The following SPMIP2 variants were observed in gnomAD, a reference collection of about 807,000 sequenced individuals.
SPMIP2 encodes sperm microtubule inner protein 2.
the SPMIP2 span, among the ~76,000 whole-genome samples, chr4:159,081,368 C>A: frequency 6.6e-6 from 1 of 151,758 alleles, no homozygotes; most frequent in South Asian, 2.1e-4. Flanking sequence ...ATATTGTGAG[C>A]AATACTCATG....
the SPMIP2 span, among the ~76,000 whole-genome samples, chr4:158,927,354 A>G: frequency 6.6e-5 from 10 of 152,252 alleles, no homozygotes; most frequent in Non-Finnish European, 1.2e-4. Flanking sequence ...CTTTCACTTT[A>G]TGTGTCTTTG....
At chr4:158,911,703 C>T in the SPMIP2 span, among the ~76,000 whole-genome samples, 1 of 152,168 alleles carries the variant, frequency 6.6e-6, no homozygotes, top group African/African-American at 2.4e-5. Context: ...ATCTCAAACC[C>T]CATTTCAGAC....
chr4:158,943,422 T>C, the SPMIP2 span, among the ~76,000 whole-genome samples: 1 of 152,220 alleles, frequency 6.6e-6, no homozygotes, highest in African/African-American at 2.4e-5. Flanking sequence ...GGGCCTTCTT[T>C]GTTTCCTCAA....
At chr4:159,069,189 G>C in the SPMIP2 span, among the ~76,000 whole-genome samples, 2 of 152,056 alleles carry the variant, frequency 1.3e-5, no homozygotes, top group African/African-American at 4.8e-5. Flanking sequence ...TGTAGTCTCA[G>C]CTACTCGGGA....
the SPMIP2 span, among the ~76,000 whole-genome samples, chr4:159,019,747 T>C: frequency 6.6e-6 from 1 of 152,138 alleles, no homozygotes; most frequent in East Asian, 1.9e-4. Flanking sequence ...AACAAGGTTT[T>C]GCTGACCTGG....
the SPMIP2 span, among the ~76,000 whole-genome samples, chr4:158,982,434 C>T: frequency 6.6e-6 from 1 of 152,184 alleles, no homozygotes; most frequent in Non-Finnish European, 1.5e-5. Context: ...CTTCTCAGCA[C>T]CACATAGCAC....
the SPMIP2 span, among the ~76,000 whole-genome samples, chr4:159,066,650 C>CA: frequency 6.8e-6 from 1 of 147,240 alleles, no homozygotes; most frequent in South Asian, 2.1e-4. Flanking sequence ...ATATATATCT[C>CA]AACCCTTCTC....
At chr4:159,019,124 A>C in the SPMIP2 span, among the ~76,000 whole-genome samples, 2 of 152,008 alleles carry the variant, frequency 1.3e-5, no homozygotes, top group East Asian at 1.9e-4. Context: ...AGCCAAAAAG[A>C]GTGTTCTAGA....
the SPMIP2 span, among the ~76,000 whole-genome samples, chr4:159,043,415 C>T: frequency 6.6e-6 from 1 of 152,128 alleles, no homozygotes; most frequent in African/African-American, 2.4e-5. Context: ...GGCGCGATCT[C>T]GGCTCACTGC....
the SPMIP2 span, among the ~76,000 whole-genome samples, chr4:158,990,863 C>T: frequency 9.5e-6 from 1 of 104,718 alleles, no homozygotes; most frequent in Non-Finnish European, 2.2e-5. Flanking sequence ...TACTCCAGAA[C>T]TTAAAATATA....
chr4:158,919,956 T>TGG, the SPMIP2 span, among the ~76,000 whole-genome samples: 2 of 152,130 alleles, frequency 1.3e-5, no homozygotes, highest in Non-Finnish European at 2.9e-5. Flanking sequence ...TTGTTGGAGG[T>TGG]GGGGCCTGGT....
the SPMIP2 span, among the ~76,000 whole-genome samples, chr4:158,919,602 C>A: frequency 6.6e-6 from 1 of 152,182 alleles, no homozygotes; most frequent in Non-Finnish European, 1.5e-5. Flanking sequence ...CTCCTTTATA[C>A]CATCACATTT....
At chr4:159,029,920 T>G in the SPMIP2 span, among the ~76,000 whole-genome samples, 6 of 152,188 alleles carry the variant, frequency 3.9e-5, no homozygotes, top group Admixed American at 3.9e-4. Context: ...GGATAAAAAA[T>G]TAGCATCAAA....
the SPMIP2 span, among the ~76,000 whole-genome samples, chr4:158,920,980 C>T: frequency 4.6e-5 from 7 of 152,324 alleles, no homozygotes; most frequent in Admixed American, 6.5e-5. Flanking sequence ...TCACCCCTGG[C>T]GACCCAGCTG....
At chr4:159,067,807 G>A in the SPMIP2 span, among the ~76,000 whole-genome samples, 1 of 151,772 alleles carries the variant, frequency 6.6e-6, no homozygotes, top group East Asian at 1.9e-4. Flanking sequence ...TCAAACAAAT[G>A]TACAAGAAAA....
chr4:158,940,960 C>A, the SPMIP2 span, among the ~76,000 whole-genome samples: 38 of 152,262 alleles, frequency 2.5e-4, no homozygotes, highest in African/African-American at 8.4e-4. Context: ...CTAGGTTCAT[C>A]TTTTTCATTT....
the SPMIP2 span, among the ~76,000 whole-genome samples, chr4:159,062,697 G>GTCTCTCTCTATCTCTCTCTCTCTCTC: frequency 1.1e-5 from 1 of 95,112 alleles, no homozygotes; most frequent in South Asian, 3.9e-4. Flanking sequence ...TTGAAACAGG[G>GTCTCTCTCTATCTCTCTCTCTCTCTC]TCTCTCTCTC....
At chr4:158,909,574 GT>G in the SPMIP2 span, 8,400 of 136,562 alleles carry the variant, frequency 0.062, 517 homozygotes, top group African/African-American at 0.17. Context: ...TACTGTGATG[GT>G]TTTTTTTTTT....
the SPMIP2 span, among the ~76,000 whole-genome samples, chr4:158,949,150 A>G: frequency 3.9e-5 from 6 of 152,122 alleles, no homozygotes; most frequent in Non-Finnish European, 7.4e-5. Flanking sequence ...ATTTTTAGCT[A>G]ATATGAATTT....
Sources: gnomAD v4.1 joint callset for allele counts (sites outside exome capture counted in the v4.1 genomes callset) on GRCh38, gnomAD v4.1.1 for gene constraint, MANE v1.5 for transcripts, NCBI Gene and HGNC (gene_info 2026-07-23, HGNC 2026-07-21) for gene names.